PRKCA: variants seen among roughly 807,000 people sequenced by gnomAD.
PRKCA encodes the protein protein kinase C alpha.
A neutral mutation model predicts 87.0 loss-of-function variants in PRKCA; 27 were observed. The observed-to-expected ratio is 0.31, with a 90% confidence interval of 0.23 to 0.43. The LOEUF is 0.43. Among genes scored for constraint, PRKCA ranks in the 20% least tolerant of loss-of-function variants. PRKCA has a pLI of 1.00. For missense variants in PRKCA, 518 were observed against 852.3 expected (o/e 0.61, Z 4.88); for synonymous variants, 329 against 311.1 (o/e 1.06, Z -0.61).
chr17:66,477,520 T>G (rs1422220722), intron 2 of PRKCA, among the ~76,000 whole-genome samples: 1 of 152,012 alleles, frequency 6.6e-6, no homozygotes. Flanking sequence ...GCCAACACGG[T>G]GAAACCCCGT....
chr17:66,667,122 C>T (rs1221313287), intron 5 of PRKCA, among the ~76,000 whole-genome samples: 2 of 152,170 alleles, frequency 1.3e-5, no homozygotes, highest in African/African-American at 4.8e-5. Context: ...GGTCCCTGCC[C>T]AGTCCCTTCC....
At chr17:66,646,189 T>C (rs1317230382) in intron 5 of PRKCA, among the ~76,000 whole-genome samples, 1 of 152,192 alleles carries the variant, frequency 6.6e-6, no homozygotes, top group Non-Finnish European at 1.5e-5. Flanking sequence ...ACAAACAGCC[T>C]GGCTATGGGA....
intron 3 of PRKCA, among the ~76,000 whole-genome samples, chr17:66,544,709 C>T (rs1968093552): frequency 6.6e-6 from 1 of 152,178 alleles, no homozygotes; most frequent in Non-Finnish European, 1.5e-5. Flanking sequence ...TCTACTGTCT[C>T]ACCCTCCCAA....
chr17:66,398,756 T>C (rs1910834560), intron 2 of PRKCA, among the ~76,000 whole-genome samples: 1 of 152,112 alleles, frequency 6.6e-6, no homozygotes, highest in Non-Finnish European at 1.5e-5. Flanking sequence ...GTCGCGCTAC[T>C]CATATGTTCT....
At chr17:66,419,471 G>A (rs1048794456) in intron 2 of PRKCA, among the ~76,000 whole-genome samples, 1 of 152,030 alleles carries the variant, frequency 6.6e-6, no homozygotes, top group African/African-American at 2.4e-5. Context: ...CACCAAAAAC[G>A]AAATAATAGT....
intron 13 of PRKCA, among the ~76,000 whole-genome samples, chr17:66,773,560 C>T (rs1312586960): frequency 6.7e-6 from 1 of 150,050 alleles, no homozygotes; most frequent in Admixed American, 6.7e-5. Flanking sequence ...TACTATGTCA[C>T]CCAAGCTGGT....
intron 3 of PRKCA, among the ~76,000 whole-genome samples, chr17:66,633,570 G>A (rs1041438012): frequency 5.9e-5 from 9 of 152,146 alleles, no homozygotes; most frequent in African/African-American, 2.2e-4. Flanking sequence ...AAGTTGCACC[G>A]CAGAGCTTCT....
At chr17:66,680,721 T>TC (rs1972466758) in intron 5 of PRKCA, among the ~76,000 whole-genome samples, 1 of 152,068 alleles carries the variant, frequency 6.6e-6, no homozygotes, top group East Asian at 1.9e-4. Context: ...CTTCAGAACC[T>TC]CTGCATGACC....
At chr17:66,340,398 G>A (rs980625238) in intron 2 of PRKCA, among the ~76,000 whole-genome samples, 101 of 108,344 alleles carry the variant, frequency 9.3e-4, no homozygotes, top group African/African-American at 3.9e-3. Context: ...TTTTTGGCTT[G>A]TTTGTTTTCG....
chr17:66,399,168 G>A lies in PRKCA; in HGVS notation c.205+93041G>A, dbSNP rs143398490. On this transcript the variant is annotated intron_variant, in intron 2 of 16. Transcript: ENST00000413366. ...GGCTGGAGTACAGTGGTGCGATCGC[G>A]GCTCGCTGTACCCTCAACCTCCTGG... 6.9e-3 allele frequency among the ~76,000 whole-genome samples: 1,033 copies of A among 148,794 alleles called. 18 individuals carry two copies. The highest frequency in any genetic ancestry group is 0.025 in the African/African-American group (994 of 40,292).
intron 2 of PRKCA, among the ~76,000 whole-genome samples, chr17:66,334,466 G>C (rs1287723766): frequency 1.3e-5 from 2 of 152,034 alleles, no homozygotes; most frequent in African/African-American, 4.8e-5. Flanking sequence ...AATGGGCAAA[G>C]GACTTGAACA....
chr17:66,503,217 C>T (rs1400274936), intron 3 of PRKCA, among the ~76,000 whole-genome samples: 1 of 152,074 alleles, frequency 6.6e-6, no homozygotes, highest in Non-Finnish European at 1.5e-5. Flanking sequence ...TTTATTTGCC[C>T]CATGTGTTTT....
chr17:66,307,291 GAT>G (rs1230569862), intron 2 of PRKCA, among the ~76,000 whole-genome samples: 3 of 152,150 alleles, frequency 2.0e-5, no homozygotes, highest in Admixed American at 6.5e-5. Flanking sequence ...GAAAGAGAAA[GAT>G]GTGTTATACC....
chr17:66,438,202 C>T (rs1913516544), intron 2 of PRKCA, among the ~76,000 whole-genome samples: 1 of 152,164 alleles, frequency 6.6e-6, no homozygotes, highest in South Asian at 2.1e-4. Context: ...ATTAAAGGAT[C>T]TGGTGACCTT....
intron 13 of PRKCA, among the ~76,000 whole-genome samples, chr17:66,759,688 A>G (rs1358961633): frequency 6.6e-6 from 1 of 152,258 alleles, no homozygotes; most frequent in African/African-American, 2.4e-5. Context: ...ACTCTATGCA[A>G]GAAATCCACT....
At chr17:66,414,552 A>G (rs1056888123) in intron 2 of PRKCA, among the ~76,000 whole-genome samples, 4 of 152,244 alleles carry the variant, frequency 2.6e-5, no homozygotes, top group African/African-American at 4.8e-5. Context: ...ACCAGAGGCC[A>G]AATACATATT....
chr17:66,764,421 G>C (rs944772772), intron 13 of PRKCA, among the ~76,000 whole-genome samples: 1 of 152,186 alleles, frequency 6.6e-6, no homozygotes, highest in Non-Finnish European at 1.5e-5. Flanking sequence ...CCTTCCAGCT[G>C]CTGCAGGCCC....
chr17:66,326,123 G>T (rs1193156909), intron 2 of PRKCA, among the ~76,000 whole-genome samples: 2 of 152,164 alleles, frequency 1.3e-5, no homozygotes, highest in Non-Finnish European at 2.9e-5. Context: ...TTCACTAAAT[G>T]AGGACAGATT....
chr17:66,793,531 A>G (rs1975590464), intron 16 of PRKCA, among the ~76,000 whole-genome samples: 1 of 138,586 alleles, frequency 7.2e-6, no homozygotes, highest in Non-Finnish European at 1.5e-5. Context: ...CGGAAGTTGC[A>G]GTGAGCCCAG....
Sources: allele counts gnomAD v4.1 joint callset (sites outside exome capture counted in the v4.1 genomes callset), GRCh38; gene constraint gnomAD v4.1.1; transcripts MANE v1.5; gene names NCBI Gene and HGNC (gene_info 2026-07-23, HGNC 2026-07-21).